The following GRM1 variants were observed in gnomAD, a reference collection of about 807,000 sequenced individuals.
GRM1 encodes the protein metabotropic glutamate receptor 1.
A neutral mutation model predicts 90.9 loss-of-function variants in GRM1; 33 were observed. The ratio of observed to expected loss-of-function variants is 0.36; its 90% CI spans 0.28 to 0.49. The LOEUF is 0.49. GRM1 is among the 20% of genes least tolerant of loss of function. The pLI is 0.99. For missense variants in GRM1, 1,190 were observed against 1,534.3 expected (o/e 0.78, Z 3.75); for synonymous variants, 700 against 613.2 (o/e 1.14, Z -2.09).
At chr6:146,165,299 C>T (rs1473446859) in intron 2 of GRM1, among the ~76,000 whole-genome samples, 1 of 152,022 alleles carries the variant, frequency 6.6e-6, no homozygotes, top group Non-Finnish European at 1.5e-5. Flanking sequence ...GGGAAAGTGA[C>T]CTCTATATCC....
chr6:146,317,840 G>C (rs547797135), intron 3 of GRM1, among the ~76,000 whole-genome samples: 1 of 152,240 alleles, frequency 6.6e-6, no homozygotes, highest in East Asian at 1.9e-4. Flanking sequence ...TTGTAGTCAA[G>C]CCAGTTATTA....
At chr6:146,148,380 A>C (rs1777192401) in intron 1 of GRM1, among the ~76,000 whole-genome samples, 1 of 152,132 alleles carries the variant, frequency 6.6e-6, no homozygotes, top group Non-Finnish European at 1.5e-5. Context: ...ATATATGTAA[A>C]TGTATTGATA....
At position 146,420,948 on chromosome 6, in the gene GRM1, G is replaced by A. The variant is rs149941414; in HGVS notation, c.2661-12924G>A. On this transcript the variant is annotated intron_variant, in intron 7 of 7. Transcript: ENST00000282753. ...ATTAATGGCTGCTAAGACCACCAGA[G>A]GAAAGACTGATGGGATGTTTTACAA... Among the ~76,000 whole-genome samples, 1,110 of 152,102 alleles carry A rather than the reference G, an allele frequency of 7.3e-3. 6 individuals carry two copies. Among genetic ancestry groups the A allele is most frequent in the Non-Finnish European group, 0.012 (784 of 67,972 alleles).
intron 2 of GRM1, among the ~76,000 whole-genome samples, chr6:146,200,368 A>T (rs1482424588): frequency 6.6e-6 from 1 of 152,110 alleles, no homozygotes; most frequent in Non-Finnish European, 1.5e-5. Context: ...CTTAGCAATA[A>T]CCAGACAATG....
intron 2 of GRM1, among the ~76,000 whole-genome samples, chr6:146,272,362 T>C (rs1782195360): frequency 6.6e-6 from 1 of 152,238 alleles, no homozygotes; most frequent in African/African-American, 2.4e-5. Flanking sequence ...ATATTTGAGA[T>C]ACAAAGTTAT....
chr6:146,042,387 C>A (rs554127655), intron 1 of GRM1, among the ~76,000 whole-genome samples: 13 of 151,898 alleles, frequency 8.6e-5, no homozygotes, highest in Non-Finnish European at 5.9e-5. Context: ...TAAAATAATC[C>A]TTTAGGAGGG....
chr6:146,176,114 G>T (rs1778330019), intron 2 of GRM1, among the ~76,000 whole-genome samples: 2 of 151,974 alleles, frequency 1.3e-5, no homozygotes, highest in Non-Finnish European at 2.9e-5. Flanking sequence ...GGCTTCATAG[G>T]TATTCAGTTA....
At chr6:146,100,467 A>G (rs763874217) in intron 1 of GRM1, among the ~76,000 whole-genome samples, 4 of 152,194 alleles carry the variant, frequency 2.6e-5, no homozygotes, top group Admixed American at 6.5e-5. Flanking sequence ...GATTTTATAT[A>G]TGGATACCCA....
At chr6:146,125,911 C>G (rs1475319381) in intron 1 of GRM1, among the ~76,000 whole-genome samples, 1 of 152,098 alleles carries the variant, frequency 6.6e-6, no homozygotes, top group Non-Finnish European at 1.5e-5. Flanking sequence ...TTTGACTGAT[C>G]AGAGTACTAT....
chr6:146,211,948 A>G (rs1041540715), intron 2 of GRM1, among the ~76,000 whole-genome samples: 9 of 152,178 alleles, frequency 5.9e-5, no homozygotes, highest in Non-Finnish European at 1.5e-5. Flanking sequence ...TGATTGACAC[A>G]GTTGTCAGGG....
At chr6:146,408,606 TC>T (rs1336031604) in intron 7 of GRM1, among the ~76,000 whole-genome samples, 3 of 152,182 alleles carry the variant, frequency 2.0e-5, no homozygotes, top group Non-Finnish European at 2.9e-5. Flanking sequence ...AATTACCCCT[TC>T]AAGTAAAGAG....
intron 2 of GRM1, among the ~76,000 whole-genome samples, chr6:146,273,780 G>C (rs1004130795): frequency 6.6e-6 from 1 of 152,184 alleles, no homozygotes; most frequent in African/African-American, 2.4e-5. Context: ...TTTGGAACTT[G>C]CTCTATTTTT....
At chr6:146,348,649 G>A (rs1052322014) in intron 3 of GRM1, among the ~76,000 whole-genome samples, 10 of 152,186 alleles carry the variant, frequency 6.6e-5, no homozygotes, top group African/African-American at 2.2e-4. Flanking sequence ...TAGCCTCCCG[G>A]CTCTCTATAT....
chr6:146,084,251 A>T, intron 1 of GRM1, among the ~76,000 whole-genome samples: 1 of 150,386 alleles, frequency 6.6e-6, no homozygotes, highest in South Asian at 2.1e-4. Flanking sequence ...TTTTGCTCTG[A>T]TCTTAGTTAT....
rs11373832 is a variant in GRM1 at position 146,181,239 on chromosome 6, T to TAA, written c.950+21651_950+21652dup. ...ATGTTCACACATAACTTGCCACCTT[T>TAA]AAAAAAAAAACAAAAAAAACCACAA... On this transcript the variant is annotated intron_variant, in intron 2 of 7. Transcript: ENST00000282753. Among the ~76,000 whole-genome samples, 727 of 145,974 alleles carry TAA rather than the reference T, an allele frequency of 5.0e-3. 4 individuals are homozygous for TAA. The highest frequency in any genetic ancestry group is 0.016 in the African/African-American group (648 of 40,252).
At chr6:146,195,529 C>T (rs1270719441) in intron 2 of GRM1, among the ~76,000 whole-genome samples, 1 of 147,498 alleles carries the variant, frequency 6.8e-6, no homozygotes, top group Admixed American at 6.6e-5. Context: ...CTTCTCTTCT[C>T]CTCCAACAGT....
chr6:146,369,461 G>A (rs1775818271), intron 5 of GRM1, among the ~76,000 whole-genome samples: 1 of 151,738 alleles, frequency 6.6e-6, no homozygotes, highest in Admixed American at 6.6e-5. Flanking sequence ...ATTTATTGCT[G>A]TAAACTTCCC....
At chr6:146,395,133 T>C (rs1341999619) in intron 6 of GRM1, among the ~76,000 whole-genome samples, 1 of 152,076 alleles carries the variant, frequency 6.6e-6, no homozygotes, top group East Asian at 1.9e-4. Flanking sequence ...GCAGAGACCT[T>C]TTAGTTGGTT....
intron 7 of GRM1, among the ~76,000 whole-genome samples, chr6:146,405,112 A>G (rs1441823383): frequency 6.6e-6 from 1 of 152,202 alleles, no homozygotes; most frequent in Non-Finnish European, 1.5e-5. Flanking sequence ...GACAGAGGAG[A>G]TATTGACAAG....
Sources: gnomAD v4.1 joint callset for allele counts (sites outside exome capture counted in the v4.1 genomes callset) on GRCh38, gnomAD v4.1.1 for gene constraint, MANE v1.5 for transcripts, NCBI Gene and HGNC (gene_info 2026-07-23, HGNC 2026-07-21) for gene names.